The following ADGRF5 variants were observed in gnomAD, a reference collection of about 807,000 sequenced individuals.
ADGRF5 encodes the protein G-protein coupled receptor 116.
A neutral mutation model predicts 132.3 loss-of-function variants in ADGRF5; 75 were observed. The observed-to-expected ratio is 0.57, with a 90% CI of 0.47 to 0.69. The LOEUF is 0.69. Ranked by LOEUF, ADGRF5 falls within the 30% of genes least tolerant of loss-of-function variation. ADGRF5 has a pLI of 0.00. For synonymous variants in ADGRF5, 629 were observed against 597.6 expected (o/e 1.05, Z -0.77); for missense variants, 1,516 against 1,630.6 (o/e 0.93, Z 1.21).
At chr6:46,903,805 C>A (rs768042468) in intron 2 of ADGRF5, among the ~76,000 whole-genome samples, 4 of 152,112 alleles carry the variant, frequency 2.6e-5, no homozygotes, top group Non-Finnish European at 4.4e-5. Flanking sequence ...TTGCACCAAC[C>A]TAATACTAGA....
chr6:46,903,782 G>T (rs1775020462), intron 2 of ADGRF5, among the ~76,000 whole-genome samples: 1 of 152,060 alleles, frequency 6.6e-6, no homozygotes, highest in Non-Finnish European at 1.5e-5. Flanking sequence ...AATTGCAAAA[G>T]CTGCAATTAC....
intron 1 of ADGRF5, among the ~76,000 whole-genome samples, chr6:46,941,387 CAAAGAAAAGA>C (rs766352637): frequency 0.019 from 1,596 of 83,098 alleles, 21 homozygotes; most frequent in South Asian, 0.029. Context: ...AAGAAAGAAA[CAAAGAAAAGA>C]AAAGAAAAGA....
In ADGRF5 at chr6:46,907,039, G is replaced by A. The variant is rs1775456640; in HGVS notation, c.-24-253C>T. On this transcript the variant is annotated intron_variant, in intron 1 of 20. Coordinates refer to ENST00000283296, the MANE Select transcript of ADGRF5 (RefSeq NM_001098518.2). ...TGTAAATAGGACAAAGGTAGCAGAT[G>A]TTTGAGTAAGAAATACTTACACATA... 3.3e-5 allele frequency among the ~76,000 whole-genome samples: 5 copies of A among 152,330 alleles called. No homozygotes were observed. The South Asian group carries it at 1.0e-3, about 32-fold the overall frequency.
chr6:46,869,444 A>G lies in ADGRF5; in HGVS notation c.1412-352T>C, dbSNP rs1035123787. On this transcript the variant is annotated intron_variant, in intron 11 of 20. Transcript: ENST00000283296. ...ACGCTCCCCTCCAACCTCCTCTGTA[A>G]CACCTTAAGGGAGAACAAATGGCCG... 5.2e-5 allele frequency: 49 copies of G among 937,388 alleles called. No individual in the cohort carries two copies. The African/African-American group carries it at 8.5e-4, about 16-fold the overall frequency. 58.1% of individuals were successfully genotyped at this position (937,388 alleles called of 1,614,324 possible). A position where few individuals can be genotyped will look rare whatever the true frequency, so the allele number is the denominator to read the frequency against.
intron 1 of ADGRF5, among the ~76,000 whole-genome samples, chr6:46,953,651 G>GTATATATATATATATCTATATA (rs1778589735): frequency 4.7e-5 from 2 of 42,196 alleles, no homozygotes; most frequent in African/African-American, 7.0e-5. Context: ...AGATATATGT[G>GTATATATATATATATCTATATA]TATATATATA....
chr6:46,953,657 A>ATATATATATATATATATATATATATATG (rs1778596809), intron 1 of ADGRF5, among the ~76,000 whole-genome samples: 1 of 43,984 alleles, frequency 2.3e-5, no homozygotes, highest in Non-Finnish European at 5.8e-5. Flanking sequence ...ATGTGTATAT[A>ATATATATATATATATATATATATATATG]TATATATATA....
chr6:46,889,497 T>G (rs1293701086), intron 3 of ADGRF5, among the ~76,000 whole-genome samples: 1 of 146,190 alleles, frequency 6.8e-6, no homozygotes, highest in East Asian at 2.0e-4. Flanking sequence ...TAAGTTTATA[T>G]ATAGAGAGAG....
intron 3 of ADGRF5, among the ~76,000 whole-genome samples, chr6:46,893,943 G>A (rs185619666): frequency 1.3e-5 from 2 of 152,300 alleles, no homozygotes; most frequent in African/African-American, 4.8e-5. Flanking sequence ...AGATATTTAG[G>A]TCTTAATCAC....
At chr6:46,883,697 T>C in intron 5 of ADGRF5, 32 bp from the exon 6 acceptor site, 1 of 1,123,588 alleles carries the variant, frequency 8.9e-7, no homozygotes, top group Non-Finnish European at 1.3e-6. Context: ...TATTTAAAAA[T>C]ATGTTAATGT....
chr6:46,879,230 T>C (rs1054466461), intron 9 of ADGRF5, among the ~76,000 whole-genome samples: 3 of 151,516 alleles, frequency 2.0e-5, no homozygotes, highest in African/African-American at 7.3e-5. Flanking sequence ...TTATATACTA[T>C]AATAAAACAA....
chr6:46,936,504 C>T (rs1022562427), intron 1 of ADGRF5, among the ~76,000 whole-genome samples: 7 of 152,198 alleles, frequency 4.6e-5, no homozygotes, highest in South Asian at 2.1e-4. Context: ...ACGTCACACA[C>T]GCTAGGAAAC....
intron 1 of ADGRF5, among the ~76,000 whole-genome samples, chr6:46,947,186 G>T (rs1018383279): frequency 4.6e-5 from 7 of 152,098 alleles, no homozygotes; most frequent in African/African-American, 1.4e-4. Flanking sequence ...TTATACCCCA[G>T]CTTTAGCCAA....
At chr6:46,885,749 A>G (rs533813642) in intron 4 of ADGRF5, among the ~76,000 whole-genome samples, 2 of 152,374 alleles carry the variant, frequency 1.3e-5, no homozygotes. Context: ...ATGTTAGAGC[A>G]TACCTCTATT....
chr6:46,951,526 G>A (rs1445990371), intron 1 of ADGRF5, among the ~76,000 whole-genome samples: 1 of 152,150 alleles, frequency 6.6e-6, no homozygotes, highest in African/African-American at 2.4e-5. Context: ...ATCTTTGGGT[G>A]GAAAAAGGAG....
chr6:46,895,421 G>A (rs1208341774), intron 3 of ADGRF5, among the ~76,000 whole-genome samples: 1 of 151,556 alleles, frequency 6.6e-6, no homozygotes, highest in African/African-American at 2.4e-5. Flanking sequence ...CAGAAAGGCT[G>A]CAATCATGAA....
At chr6:46,935,922 T>A (rs1297300567) in intron 1 of ADGRF5, among the ~76,000 whole-genome samples, 1 of 152,156 alleles carries the variant, frequency 6.6e-6, no homozygotes, top group Non-Finnish European at 1.5e-5. Context: ...GAAGGCGTCC[T>A]CCGGAATGAG....
chr6:46,872,157 A>G, intron 10 of ADGRF5, 144 bp from the exon 11 acceptor site: 1 of 574,092 alleles, frequency 1.7e-6, no homozygotes, highest in East Asian at 2.9e-5. Context: ...GTTTATGGTG[A>G]TTAGGTCTGC....
At chr6:46,877,316 T>C (rs1355879578) in intron 10 of ADGRF5, among the ~76,000 whole-genome samples, 1 of 27,376 alleles carries the variant, frequency 3.7e-5, no homozygotes, top group African/African-American at 1.4e-4. Flanking sequence ...TTTCCTTCCT[T>C]CCTTCCTTCT....
rs1475108776 is a variant in ADGRF5, at chr6:46,859,007, C to A, written c.2896G>T (p.Gly966Trp). Residue 966 changes from glycine (G) to tryptophan (W), a missense_variant, in exon 17 of 21, where the codon GGG (glycine) becomes TGG (tryptophan). Gly to Trp is a radical substitution (Grantham distance 184). Transcript: ENST00000283296. ...TAGCACCCACTGCTGTCCCACCCCC[C>A]TGTGTTGTTGGCAAGCCTGAAGTTC... ...FWNFRLANNT[G>W]GWDSSGCYVE... The A allele has an allele frequency of 3.1e-6, 5 of 1,614,208 alleles. No homozygotes were observed. The South Asian group carries it at 5.5e-5, about 18-fold the overall frequency.
Sources: allele counts gnomAD v4.1 joint callset (sites outside exome capture counted in the v4.1 genomes callset), GRCh38; gene constraint gnomAD v4.1.1; transcripts MANE v1.5; gene names NCBI Gene and HGNC (gene_info 2026-07-23, HGNC 2026-07-21).